The following NTM variants were observed in gnomAD, a reference collection of about 807,000 sequenced individuals.
The protein encoded by NTM is neurotrimin, also known as IgLON family member 2.
In NTM, 13 loss-of-function variants were observed where a neutral mutation model predicts 42.1. That is an observed-to-expected ratio of 0.31 (90% CI 0.20 to 0.49). NTM has a LOEUF of 0.49. Ranked by LOEUF, NTM falls within the 20% of genes least tolerant of loss-of-function variation. The probability of loss-of-function intolerance (pLI) is 0.99; values close to 1 mark genes in which losing one functional copy is unlikely to be tolerated. For synonymous variants in NTM, 187 were observed against 179.2 expected, an observed-to-expected ratio of 1.04 and a Z score of -0.35; for missense variants, 373 against 452.8, an observed-to-expected ratio of 0.82 and a Z score of 1.60.
intron 1 of NTM, among the ~76,000 whole-genome samples, chr11:131,472,151 G>A (rs1952496204): frequency 6.6e-6 from 1 of 152,172 alleles, no homozygotes. Flanking sequence ...GCTGGCATCA[G>A]CGGGATTCCC....
intron 3 of NTM, among the ~76,000 whole-genome samples, chr11:132,154,112 G>T (rs1187860995): frequency 5.9e-5 from 9 of 152,220 alleles, no homozygotes; most frequent in South Asian, 2.1e-4. Context: ...GAGTTCCTGG[G>T]GTGAAATCAC....
chr11:132,073,796 T>A (rs999873), intron 2 of NTM, among the ~76,000 whole-genome samples: 103,064 of 152,060 alleles, frequency 0.68, 36,400 homozygotes, highest in African/African-American at 0.85. Flanking sequence ...TTTTAATGTC[T>A]GCAATTTCTC....
At chr11:132,173,680 C>A (rs1014142941) in intron 3 of NTM, among the ~76,000 whole-genome samples, 7 of 152,118 alleles carry the variant, frequency 4.6e-5, no homozygotes, top group African/African-American at 7.2e-5. Context: ...GGAAGTAGGG[C>A]AAGTATCATT....
intron 1 of NTM, among the ~76,000 whole-genome samples, chr11:131,692,055 G>A (rs1174136691): frequency 6.6e-6 from 1 of 152,204 alleles, no homozygotes; most frequent in Admixed American, 6.5e-5. Context: ...AAGTCTCAAA[G>A]GGAAGGGAGG....
At chr11:131,633,274 G>A (rs568216708) in intron 1 of NTM, among the ~76,000 whole-genome samples, 28 of 152,222 alleles carry the variant, frequency 1.8e-4, no homozygotes, top group Non-Finnish European at 2.9e-4. Context: ...AACCTCTGTC[G>A]ATGATTTTCC....
At chr11:131,804,583 GAC>G (rs2092373885) in intron 1 of NTM, among the ~76,000 whole-genome samples, 1 of 152,030 alleles carries the variant, frequency 6.6e-6, no homozygotes. Flanking sequence ...TTGCTTACCC[GAC>G]ACAGTCTTTA....
intron 4 of NTM, among the ~76,000 whole-genome samples, chr11:132,247,373 G>A (rs1208796047): frequency 1.3e-5 from 2 of 152,184 alleles, no homozygotes; most frequent in Non-Finnish European, 2.9e-5. Context: ...TTAGGCCTCT[G>A]TTTTTACATC....
At chr11:132,084,411 TGAA>T (rs1394523841) in intron 2 of NTM, among the ~76,000 whole-genome samples, 6 of 152,176 alleles carry the variant, frequency 3.9e-5, no homozygotes. Flanking sequence ...AAATATAACC[TGAA>T]GAAGATTAAA....
chr11:131,689,705 C>T (rs868184854), intron 1 of NTM, among the ~76,000 whole-genome samples: 1 of 152,122 alleles, frequency 6.6e-6, no homozygotes, highest in African/African-American at 2.4e-5. Flanking sequence ...ATCTTGGGTC[C>T]TCTCTGTCCC....
At chr11:131,529,334 G>A (rs950596176) in intron 1 of NTM, among the ~76,000 whole-genome samples, 3 of 151,938 alleles carry the variant, frequency 2.0e-5, no homozygotes, top group African/African-American at 4.9e-5. Flanking sequence ...CTCTGAGTGA[G>A]TGGAACCCTT....
intron 3 of NTM, among the ~76,000 whole-genome samples, chr11:132,179,237 G>C (rs890667370): frequency 1.3e-5 from 2 of 152,146 alleles, no homozygotes; most frequent in African/African-American, 4.8e-5. Flanking sequence ...TCCTAGGAAT[G>C]AGTCTAGATT....
intron 1 of NTM, among the ~76,000 whole-genome samples, chr11:131,776,428 G>A (rs1009817758): frequency 3.9e-5 from 6 of 152,162 alleles, no homozygotes; most frequent in Non-Finnish European, 5.9e-5. Flanking sequence ...TGAGAAGCAC[G>A]GGCTCAGTAG....
chr11:132,245,668 G>A (rs2091013180), intron 4 of NTM, among the ~76,000 whole-genome samples: 1 of 152,086 alleles, frequency 6.6e-6, no homozygotes, highest in African/African-American at 2.4e-5. Flanking sequence ...TCTGTCCTAA[G>A]AACAAATGTT....
intron 3 of NTM, among the ~76,000 whole-genome samples, chr11:132,186,477 C>G (rs914903011): frequency 6.6e-6 from 1 of 152,218 alleles, no homozygotes; most frequent in Non-Finnish European, 1.5e-5. Flanking sequence ...CCCCGAGGAA[C>G]CTGCAGGCCA....
chr11:131,728,084 T>C (rs542902329), intron 1 of NTM, among the ~76,000 whole-genome samples: 2 of 152,280 alleles, frequency 1.3e-5, no homozygotes, highest in South Asian at 2.1e-4. Flanking sequence ...TTCATTAGTA[T>C]AGTGGAATGT....
chr11:131,667,394 A>G (rs2069256369), intron 1 of NTM, among the ~76,000 whole-genome samples: 1 of 152,178 alleles, frequency 6.6e-6, no homozygotes, highest in Admixed American at 6.5e-5. Context: ...TTCCTTGGGA[A>G]AGCCTTCCTG....
At chr11:132,214,981 A>C (rs1440074377) in intron 4 of NTM, among the ~76,000 whole-genome samples, 1 of 152,196 alleles carries the variant, frequency 6.6e-6, no homozygotes, top group Non-Finnish European at 1.5e-5. Context: ...CCAGTGACTG[A>C]TTATTTGGAG....
chr11:131,416,443 C>T (rs1004902488), intron 1 of NTM, among the ~76,000 whole-genome samples: 2 of 152,210 alleles, frequency 1.3e-5, no homozygotes, highest in Admixed American at 6.5e-5. Context: ...CACACGGTTG[C>T]CTCTCCCTGA....
intron 4 of NTM, among the ~76,000 whole-genome samples, chr11:132,256,837 G>A (rs988112857): frequency 4.6e-5 from 7 of 152,262 alleles, no homozygotes; most frequent in Admixed American, 1.3e-4. Flanking sequence ...TGCCGCCCAC[G>A]GACCCGTGTT....
Sources: gnomAD v4.1 joint callset for allele counts (sites outside exome capture counted in the v4.1 genomes callset) on GRCh38, gnomAD v4.1.1 for gene constraint, MANE v1.5 for transcripts, NCBI Gene and HGNC (gene_info 2026-07-23, HGNC 2026-07-21) for gene names.